VMP1: variants seen among roughly 807,000 people sequenced by gnomAD.
The protein encoded by VMP1 is vacuole membrane protein 1, also known as ectopic P-granules autophagy protein 3 homolog.
A neutral mutation model predicts 56.0 loss-of-function variants in VMP1; 11 were observed. The observed-to-expected ratio is 0.20, with a 90% CI of 0.12 to 0.32. The LOEUF (loss-of-function observed/expected upper bound fraction) is 0.32. Ranked by LOEUF, VMP1 falls within the 10% of genes least tolerant of loss-of-function variation. The pLI is 1.00. For synonymous variants in VMP1, 149 were observed against 165.0 expected, an observed-to-expected ratio of 0.90 and a Z score of 0.74; for missense variants, 296 against 490.3, an observed-to-expected ratio of 0.60 and a Z score of 3.74.
At chr17:59,749,098 C>T (rs1475389248) in intron 5 of VMP1, among the ~76,000 whole-genome samples, 2 of 150,504 alleles carry the variant, frequency 1.3e-5, no homozygotes, top group East Asian at 1.9e-4. Flanking sequence ...TACAGGTGCC[C>T]GCTACTACGC....
At chr17:59,821,539 C>CTTTTTTTTTTTTTTTTTTTTTTTTTTG (rs530907168) in intron 10 of VMP1, among the ~76,000 whole-genome samples, 1 of 104,722 alleles carries the variant, frequency 9.5e-6, no homozygotes, top group Non-Finnish European at 1.9e-5. Context: ...AGCTACTTTT[C>CTTTTTTTTTTTTTTTTTTTTTTTTTTG]TTTTTTTTTT....
chr17:59,782,835 A>G (rs2036871404), intron 7 of VMP1, among the ~76,000 whole-genome samples: 1 of 152,146 alleles, frequency 6.6e-6, no homozygotes, highest in South Asian at 2.1e-4. Flanking sequence ...CAAACAAACA[A>G]AAAAAACCAC....
At chr17:59,732,358 T>A (rs1280489613) in intron 2 of VMP1, among the ~76,000 whole-genome samples, 4 of 152,190 alleles carry the variant, frequency 2.6e-5, no homozygotes, top group South Asian at 2.1e-4. Flanking sequence ...CAATTCTGCC[T>A]CAGCCTCCCG....
chr17:59,786,303 A>T (rs1159572573), intron 7 of VMP1, among the ~76,000 whole-genome samples: 2 of 152,212 alleles, frequency 1.3e-5, no homozygotes, highest in Non-Finnish European at 2.9e-5. Flanking sequence ...AATTGATAAG[A>T]TTATTTAAAT....
intron 5 of VMP1, among the ~76,000 whole-genome samples, chr17:59,759,868 TTTTTGTTTTG>T (rs750809123): frequency 6.0e-5 from 9 of 150,818 alleles, no homozygotes; most frequent in African/African-American, 9.7e-5. Context: ...ACTGAGGATT[TTTTTGTTTTG>T]TTTTGTTTTG....
rs2038299847 is a variant in VMP1, at chr17:59,817,850, AATAGAATTTTTGACATAGTT to A, written c.974+78_974+97del. 5.1e-5 allele frequency: 60 copies of A among 1,182,868 alleles called. No homozygotes were observed. The South Asian group carries it at 9.6e-4, about 19-fold the overall frequency. 73.3% of individuals were successfully genotyped at this position (1,182,868 alleles called of 1,614,324 possible). ...GTAAATGTGTACAAGACTGAATTGA[AATAGAATTTTTGACATAGTT>A]CTTTATTTTTTGAGGAGCAAAAATA... On this transcript the variant is annotated intron_variant, in intron 10 of 11. Transcript: ENST00000262291.
chr17:59,737,641 C>T (rs1323748618), intron 4 of VMP1, 98 bp downstream of exon 4: 2 of 1,008,984 alleles, frequency 2.0e-6, no homozygotes, highest in Non-Finnish European at 2.9e-6. Flanking sequence ...AGAATTTCTA[C>T]CCTCAACATT....
At chr17:59,832,695 G>A (rs2038853055) in intron 10 of VMP1, among the ~76,000 whole-genome samples, 1 of 151,394 alleles carries the variant, frequency 6.6e-6, no homozygotes, top group Admixed American at 6.6e-5. Flanking sequence ...CCGGGTTCAA[G>A]CGATTCTCCT....
intron 9 of VMP1, among the ~76,000 whole-genome samples, chr17:59,813,763 C>T (rs2038133083): frequency 6.6e-6 from 1 of 152,062 alleles, no homozygotes. Flanking sequence ...TATTTTATTT[C>T]ATAACAAGAA....
At chr17:59,714,369 C>T (rs2034066495) in intron 1 of VMP1, among the ~76,000 whole-genome samples, 1 of 152,098 alleles carries the variant, frequency 6.6e-6, no homozygotes, top group African/African-American at 2.4e-5. Flanking sequence ...TTAATTCATT[C>T]ATAAGGGCAG....
chr17:59,717,880 A>G (rs536865078), intron 1 of VMP1, among the ~76,000 whole-genome samples: 1 of 152,148 alleles, frequency 6.6e-6, no homozygotes, highest in African/African-American at 2.4e-5. Flanking sequence ...AGATGACACC[A>G]CTACACTCCA....
intron 8 of VMP1, among the ~76,000 whole-genome samples, chr17:59,809,899 G>C (rs562640179): frequency 6.6e-6 from 1 of 152,000 alleles, no homozygotes; most frequent in Non-Finnish European, 1.5e-5. Context: ...GATGACTTCA[G>C]ACCTAAATGG....
chr17:59,719,611 C>T (rs549121828), intron 1 of VMP1, among the ~76,000 whole-genome samples: 2 of 152,004 alleles, frequency 1.3e-5, no homozygotes, highest in African/African-American at 4.8e-5. Flanking sequence ...GTTCCAATAA[C>T]TCTTATGTTA....
At chr17:59,713,526 G>A (rs954559632) in intron 1 of VMP1, among the ~76,000 whole-genome samples, 6 of 151,966 alleles carry the variant, frequency 3.9e-5, no homozygotes, top group Non-Finnish European at 8.8e-5. Flanking sequence ...TGGGGAGATA[G>A]GGAGAGGAGA....
chr17:59,755,986 C>T (rs540169124), intron 5 of VMP1, among the ~76,000 whole-genome samples: 39 of 152,236 alleles, frequency 2.6e-4, no homozygotes, highest in African/African-American at 9.4e-4. Flanking sequence ...ATCCTGCTGC[C>T]TCGGCCTCTC....
intron 8 of VMP1, 113 bp from the exon 9 acceptor site, chr17:59,811,557 A>T: frequency 1.3e-6 from 1 of 769,828 alleles, no homozygotes; most frequent in Non-Finnish European, 2.2e-6. Flanking sequence ...AGGAACCCAT[A>T]TATTGCTTTG....
chr17:59,820,407 A>G (rs572618322), intron 10 of VMP1, among the ~76,000 whole-genome samples: 1 of 152,310 alleles, frequency 6.6e-6, no homozygotes, highest in East Asian at 1.9e-4. Context: ...TACTCACTGC[A>G]TGCTACTAGT....
At chr17:59,761,917 T>C (rs1203944501) in intron 5 of VMP1, among the ~76,000 whole-genome samples, 1 of 152,190 alleles carries the variant, frequency 6.6e-6, no homozygotes, top group Non-Finnish European at 1.5e-5. Flanking sequence ...CCCAATCTCA[T>C]TCTCAACTCG....
intron 10 of VMP1, among the ~76,000 whole-genome samples, chr17:59,824,417 C>A (rs891853409): frequency 1.4e-5 from 2 of 148,122 alleles, no homozygotes; most frequent in South Asian, 2.1e-4. Context: ...ACTAAAAATA[C>A]AAAAAATTAG....
Sources: allele counts gnomAD v4.1 joint callset (sites outside exome capture counted in the v4.1 genomes callset), GRCh38; gene constraint gnomAD v4.1.1; transcripts MANE v1.5; gene names NCBI Gene and HGNC (gene_info 2026-07-23, HGNC 2026-07-21).